GPM6A: variants seen among roughly 807,000 people sequenced by gnomAD.
GPM6A encodes glycoprotein M6A, also known as neuronal membrane glycoprotein M6-a.
Under a neutral mutation model 32.1 loss-of-function variants are expected in GPM6A, and 7 were observed. That is an observed-to-expected ratio of 0.22 (90% confidence interval 0.12 to 0.41). The LOEUF (loss-of-function observed/expected upper bound fraction) is 0.41. Among genes scored for constraint, GPM6A ranks in the 10% least tolerant of loss-of-function variants. The pLI, the probability that GPM6A is intolerant of heterozygous loss-of-function variation, is 1.00. For missense variants in GPM6A, 235 were observed against 347.2 expected, an observed-to-expected ratio of 0.68 and a Z score of 2.57; for synonymous variants, 130 against 123.4, an observed-to-expected ratio of 1.05 and a Z score of -0.35.
chr4:175,903,577 C>A (rs1738034230), intron 1 of GPM6A, among the ~76,000 whole-genome samples: 1 of 152,234 alleles, frequency 6.6e-6, no homozygotes, highest in Admixed American at 6.5e-5. Flanking sequence ...TTAGGACAAA[C>A]AACAACGTGC....
At chr4:175,863,094 A>G (rs1308270588) in intron 1 of GPM6A, among the ~76,000 whole-genome samples, 4 of 152,120 alleles carry the variant, frequency 2.6e-5, no homozygotes, top group Admixed American at 2.0e-4. Flanking sequence ...AGGTTAATTG[A>G]AATACAATAA....
At chr4:176,002,178 C>T (rs1440855727) in intron 1 of GPM6A, 2 of 1,021,484 alleles carry the variant, frequency 2.0e-6, no homozygotes, top group Admixed American at 2.0e-5. Context: ...GGGCGGGGGA[C>T]GCCAGGCGCG....
intron 1 of GPM6A, among the ~76,000 whole-genome samples, chr4:175,930,114 C>T (rs1381487226): frequency 6.6e-6 from 1 of 152,000 alleles, no homozygotes; most frequent in African/African-American, 2.4e-5. Flanking sequence ...TTGGACATGC[C>T]ATGCAAGCTC....
chr4:175,856,135 T>C (rs1736407044), intron 1 of GPM6A, among the ~76,000 whole-genome samples: 3 of 152,322 alleles, frequency 2.0e-5, no homozygotes, highest in Admixed American at 1.3e-4. Flanking sequence ...TTTTCCTGGG[T>C]AAAAGGGATT....
chr4:175,671,177 T>C (rs948119400), intron 3 of GPM6A, among the ~76,000 whole-genome samples: 3 of 152,064 alleles, frequency 2.0e-5, no homozygotes, highest in African/African-American at 7.2e-5. Flanking sequence ...GCTTCAAAAT[T>C]AATTGCATTT....
intron 1 of GPM6A, among the ~76,000 whole-genome samples, chr4:175,800,314 T>C (rs1381720832): frequency 6.6e-6 from 1 of 152,188 alleles, no homozygotes; most frequent in Non-Finnish European, 1.5e-5. Context: ...GAGGTATAGA[T>C]TGTTTTACTT....
rs960657534 is a variant in GPM6A, at chr4:175,937,422, G to T, written c.-23+64887C>A. 5.9e-5 allele frequency among the ~76,000 whole-genome samples: 9 copies of T among 152,192 alleles called. No individual in the cohort carries two copies. In the South Asian group the frequency reaches 6.2e-4, roughly 11 times the overall value. ...ATGTACCTCTATGAAAAAACTTACTGAAAATATAAATCTAAAACTAAGTTA... is the reference window on the plus strand; with the variant it reads ...ATGTACCTCTATGAAAAAACTTACTTAAAATATAAATCTAAAACTAAGTTA... On this transcript the variant is annotated intron_variant, in intron 1 of 7. Transcript: ENST00000280187.
At chr4:175,761,238 C>T (rs1229636660) in intron 1 of GPM6A, among the ~76,000 whole-genome samples, 1 of 152,132 alleles carries the variant, frequency 6.6e-6, no homozygotes, top group Non-Finnish European at 1.5e-5. Flanking sequence ...GATTCTCCTA[C>T]CTCACACCAC....
intron 1 of GPM6A, among the ~76,000 whole-genome samples, chr4:176,001,506 C>G (rs866381269): frequency 1.3e-5 from 2 of 152,164 alleles, no homozygotes; most frequent in Non-Finnish European, 2.9e-5. Flanking sequence ...ACACCCAGTT[C>G]TTCCTCCCCT....
intron 1 of GPM6A, among the ~76,000 whole-genome samples, chr4:175,893,550 T>G (rs58272449): frequency 0.049 from 7,403 of 152,172 alleles, 580 homozygotes; most frequent in African/African-American, 0.17. Flanking sequence ...TTTCCTCTTG[T>G]TCTATTCTTC....
chr4:175,751,740 C>T (rs1359934328), intron 1 of GPM6A, among the ~76,000 whole-genome samples: 1 of 150,562 alleles, frequency 6.6e-6, no homozygotes, highest in Admixed American at 6.6e-5. Flanking sequence ...TCACACGATG[C>T]ACCTGTTTTT....
intron 1 of GPM6A, chr4:176,002,159 G>T: frequency 1.2e-6 from 1 of 821,230 alleles, no homozygotes; most frequent in Non-Finnish European, 2.0e-6. Flanking sequence ...CCGGAGACAA[G>T]AGGGCGGGGG....
chr4:175,725,910 T>A (rs1283999837), intron 1 of GPM6A, among the ~76,000 whole-genome samples: 2 of 151,964 alleles, frequency 1.3e-5, no homozygotes, highest in African/African-American at 4.8e-5. Flanking sequence ...TAAAAATAAT[T>A]AACTTCTATA....
At chr4:175,765,036 G>A (rs1438560959) in intron 1 of GPM6A, among the ~76,000 whole-genome samples, 3 of 151,962 alleles carry the variant, frequency 2.0e-5, no homozygotes, top group Non-Finnish European at 4.4e-5. Flanking sequence ...ACCATGCCCA[G>A]CTAATTTTTG....
At chr4:175,713,017 C>T (rs1386748015) in intron 1 of GPM6A, among the ~76,000 whole-genome samples, 1 of 152,016 alleles carries the variant, frequency 6.6e-6, no homozygotes, top group African/African-American at 2.4e-5. Flanking sequence ...GCTTGGAGTT[C>T]AAAATTATCC....
intron 1 of GPM6A, among the ~76,000 whole-genome samples, chr4:175,976,530 T>C (rs1012159905): frequency 3.3e-5 from 5 of 152,052 alleles, no homozygotes; most frequent in Admixed American, 2.0e-4. Context: ...CCACAGGCAA[T>C]AGCTAAATAA....
At chr4:175,803,554 C>T (rs983814441) in intron 1 of GPM6A, among the ~76,000 whole-genome samples, 4 of 152,064 alleles carry the variant, frequency 2.6e-5, no homozygotes, top group Admixed American at 6.5e-5. Flanking sequence ...TTGTAATAGG[C>T]GCTTTTACCT....
At chr4:175,835,371 A>T (rs780367203) in intron 1 of GPM6A, among the ~76,000 whole-genome samples, 13 of 152,148 alleles carry the variant, frequency 8.5e-5, no homozygotes, top group Non-Finnish European at 1.8e-4. Flanking sequence ...CCAGACAGAG[A>T]TCATCTTCTA....
chr4:175,953,876 G>C (rs895999100), intron 1 of GPM6A, among the ~76,000 whole-genome samples: 1 of 152,128 alleles, frequency 6.6e-6, no homozygotes, highest in African/African-American at 2.4e-5. Context: ...TCCAGCCTGG[G>C]CAACAAGAGC....
Sources: gnomAD v4.1 joint callset for allele counts (sites outside exome capture counted in the v4.1 genomes callset) on GRCh38, gnomAD v4.1.1 for gene constraint, MANE v1.5 for transcripts, NCBI Gene and HGNC (gene_info 2026-07-23, HGNC 2026-07-21) for gene names.